Variants in PRRG2 observed in about 807,000 individuals in gnomAD.
PRRG2 encodes the protein proline rich and Gla domain 2.
In PRRG2, 23 loss-of-function variants were observed where a neutral mutation model predicts 27.1. That is an observed-to-expected ratio of 0.85 (90% CI 0.61 to 1.20). The LOEUF (loss-of-function observed/expected upper bound fraction) is 1.20, where lower values mean the gene tolerates loss of function less well. Ranked by LOEUF, PRRG2 falls within the 50% of genes most tolerant of loss-of-function variation. The pLI is 0.00. For missense variants in PRRG2, 276 were observed against 254.8 expected (o/e 1.08, Z -0.57); for synonymous variants, 104 against 103.4 (o/e 1.01, Z -0.03).
intron 4 of PRRG2, among the ~76,000 whole-genome samples, chr19:49,586,087 A>C (rs2080667060): frequency 6.6e-6 from 1 of 151,328 alleles, no homozygotes; most frequent in East Asian, 1.9e-4. Flanking sequence ...AAAAAAAAAA[A>C]AAAAAAAAAA....
At chr19:49,584,729 G>T (rs2080656379) in intron 4 of PRRG2, among the ~76,000 whole-genome samples, 1 of 152,228 alleles carries the variant, frequency 6.6e-6, no homozygotes, top group South Asian at 2.1e-4. Context: ...GTCCCAGACT[G>T]CTGAGATTAT....
chr19:49,585,437 C>T (rs2080662253), intron 4 of PRRG2, among the ~76,000 whole-genome samples: 1 of 152,200 alleles, frequency 6.6e-6, no homozygotes, highest in African/African-American at 2.4e-5. Context: ...CTGAAGGTGC[C>T]CAATTCAGGA....
intron 5 of PRRG2, 109 bp downstream of exon 5, chr19:49,588,741 G>A: frequency 7.6e-7 from 1 of 1,314,216 alleles, no homozygotes; most frequent in African/African-American, 1.5e-5. Flanking sequence ...ACTGATGAAA[G>A]ACCTAAGGAC....
Position 49,590,477 on chromosome 19 carries a change from C to G in PRRG2, c.*88C>G. On this transcript the variant is annotated 3_prime_UTR_variant, in exon 7 of 7. Transcript: ENST00000246794. ...CCGCTAGGCCTCATAGACGCCGAAG[C>G]TGGACTTGGAGTGGGGAATGGTGGG... The G allele has an allele frequency of 3.2e-6, 5 of 1,573,858 alleles. No homozygotes were observed. Among genetic ancestry groups the G allele is most frequent in the Non-Finnish European group, 4.4e-6 (5 of 1,147,490 alleles).
upstream of PRRG2, among the ~76,000 whole-genome samples, chr19:49,580,912 T>A (rs903462144): frequency 1.3e-5 from 2 of 152,148 alleles, no homozygotes; most frequent in African/African-American, 4.8e-5. Flanking sequence ...CTTTTCTTGC[T>A]GCATCTTAAA....
rs569989682 is a variant in PRRG2 at position 49,587,969 on chromosome 19, T to G, written c.302-528T>G. ...TTTGTTTGTTTGTTTGTTTTGTTTTTTTTTATTTTGAGATGAAGTCTCACT... is the reference window on the plus strand; with the variant it reads ...TTTGTTTGTTTGTTTGTTTTGTTTTGTTTTATTTTGAGATGAAGTCTCACT... On this transcript the variant is annotated intron_variant, in intron 4 of 6. Transcript: ENST00000246794. 1.1e-4 allele frequency among the ~76,000 whole-genome samples: 16 copies of G among 151,976 alleles called. No homozygotes were observed. The East Asian group carries it at 1.4e-3, about 13-fold the overall frequency.
chr19:49,583,443 C>A, intron 2 of PRRG2, 99 bp from the exon 3 acceptor site: 1 of 1,517,778 alleles, frequency 6.6e-7, no homozygotes, highest in Non-Finnish European at 9.0e-7. Flanking sequence ...GGATTCCCAG[C>A]CCCTGCTCCT....
chr19:49,588,087 A>G (rs571234712), intron 4 of PRRG2, among the ~76,000 whole-genome samples: 1 of 151,878 alleles, frequency 6.6e-6, no homozygotes, highest in South Asian at 2.1e-4. Flanking sequence ...TCAGCCTCCC[A>G]GATAACTGGG....
chr19:49,587,827 C>T (rs1011589549), intron 4 of PRRG2, among the ~76,000 whole-genome samples: 1 of 151,992 alleles, frequency 6.6e-6, no homozygotes, highest in Admixed American at 6.6e-5. Flanking sequence ...CCACATTGGC[C>T]GGGCTGGTCT....
At chr19:49,590,322 A>AT in intron 6 of PRRG2, 49 bp from the exon 7 acceptor site, 1 of 1,613,600 alleles carries the variant, frequency 6.2e-7, no homozygotes, top group South Asian at 1.1e-5. Flanking sequence ...TGAAGGGGGG[A>AT]GAAAAACAGC....
At chr19:49,588,030 C>T (rs1461876070) in intron 4 of PRRG2, among the ~76,000 whole-genome samples, 1 of 152,052 alleles carries the variant, frequency 6.6e-6, no homozygotes, top group South Asian at 2.1e-4. Flanking sequence ...GGCTCAATCT[C>T]GGCTCACTAA....
rs1258876937 is a variant in PRRG2, at chr19:49,587,479, ATT to A, written c.302-996_302-995del. Among the ~76,000 whole-genome samples the A allele has an allele frequency of 9.0e-3, 1,037 of 114,620 alleles. 13 individuals are homozygous for A. Among genetic ancestry groups the A allele is most frequent in the African/African-American group, 0.036 (964 of 26,828 alleles). The allele number at this position is 114,620 out of a possible 152,430, so 75.2% of individuals were successfully genotyped here. ...AGGCAAGAACCACCAAGCCTGGTTA[ATT>A]TTTTTTTTTTTTTTTTTTTTTGAGA... On this transcript the variant is annotated intron_variant, in intron 4 of 6. Transcript: ENST00000246794.
In PRRG2 at chr19:49,590,434, C is replaced by T; in HGVS notation, c.*45C>T. ...GGCTCTCCGAACCGTGCCCCTGATT[C>T]ATACCGGATTCCGGAAGCCGCTAGG... On this transcript the variant is annotated 3_prime_UTR_variant, in exon 7 of 7. Coordinates refer to ENST00000246794, the MANE Select transcript of PRRG2 (RefSeq NM_000951.3). 1 of 1,612,858 alleles carries T rather than the reference C, an allele frequency of 6.2e-7. No homozygotes were observed. Among genetic ancestry groups the T allele is most frequent in the African/African-American group, 1.3e-5 (1 of 74,980 alleles).
chr19:49,590,051 A>G lies in PRRG2; in HGVS notation c.589A>G (p.Ser197Gly). The change falls in exon 6 of 7, where the codon AGC becomes GGC. Residue 197 changes from serine to glycine, a missense_variant and splice_region_variant. Coordinates refer to ENST00000246794, the MANE Select transcript of PRRG2 (RefSeq NM_000951.3). ...CGACGCACCTCCACCCCCCTACACC[A>G]GGTATGGGGCGTGGCTTCTGCCCGG... is the stretch of plus-strand genomic sequence containing the variant. ...VHDAPPPPYT[S>G]LRRPH is the part of the protein sequence containing the mutation. 4.1e-6 allele frequency: 6 copies of G among 1,471,994 alleles called. No homozygotes were observed. Among genetic ancestry groups the G allele is most frequent in the Non-Finnish European group, 5.4e-6 (6 of 1,112,836 alleles). 91.2% of individuals were successfully genotyped at this position (1,471,994 alleles called of 1,614,324 possible). A position where few individuals can be genotyped will look rare whatever the true frequency, so the allele number is the denominator to read the frequency against.
chr19:49,583,780 G>A, intron 3 of PRRG2, 63 bp downstream of exon 3: 2 of 1,611,154 alleles, frequency 1.2e-6, no homozygotes, highest in Non-Finnish European at 1.7e-6. Context: ...TGGGGAGGTT[G>A]CAGGGGTAGG....
At chr19:49,589,750 T>G in intron 5 of PRRG2, 150 bp from the exon 6 acceptor site, 1 of 856,960 alleles carries the variant, frequency 1.2e-6, no homozygotes, top group Non-Finnish European at 1.9e-6. Context: ...AAGGCTAGGC[T>G]GAAGGTGACC....
In PRRG2 at chr19:49,589,924, T is replaced by A; in HGVS notation, c.462T>A (p.Ser154Arg). ...GGGCCGGGCTCATTAGCCCTCTGAG[T>A]CCTTTGAACCCTCTGGGCCCACCGA... is the stretch of plus-strand genomic sequence containing the variant. ...PQEAGLISPLSPLNPLGPPTP... is the reference protein window; with the variant it reads ...PQEAGLISPLRPLNPLGPPTP... Residue 154 changes from serine to arginine, a missense_variant, in exon 6 of 7, where the codon AGT (serine) becomes AGA (arginine). Coordinates refer to ENST00000246794, the MANE Select transcript of PRRG2 (RefSeq NM_000951.3). The A allele has an allele frequency of 6.2e-7, 1 of 1,612,212 alleles. No homozygotes were observed. The highest frequency in any genetic ancestry group is 8.5e-7 in the Non-Finnish European group (1 of 1,179,874).
chr19:49,589,429 T>C (rs1259360745), intron 5 of PRRG2, among the ~76,000 whole-genome samples: 1 of 80,662 alleles, frequency 1.2e-5, no homozygotes, highest in Non-Finnish European at 2.2e-5. Flanking sequence ...CCTGGCCCTT[T>C]TTTTTTTTTT....
intron 1 of PRRG2, 28 bp from the exon 2 acceptor site, chr19:49,583,179 T>G (rs2080640814): frequency 6.3e-7 from 1 of 1,585,602 alleles, no homozygotes; most frequent in African/African-American, 1.3e-5. Context: ...ACTAAGGCCC[T>G]TGTCAGCTGT....
Sources: gnomAD v4.1 joint callset for allele counts (sites outside exome capture counted in the v4.1 genomes callset) on GRCh38, gnomAD v4.1.1 for gene constraint, MANE v1.5 for transcripts, NCBI Gene and HGNC (gene_info 2026-07-23, HGNC 2026-07-21) for gene names.